Variants in AS3MT observed in about 807,000 individuals in gnomAD.
AS3MT encodes S-adenosyl-L-methionine:arsenic(III) methyltransferase.
Under a neutral mutation model 45.3 loss-of-function variants are expected in AS3MT, and 47 were observed. The ratio of observed to expected loss-of-function variants is 1.04; its 90% confidence interval spans 0.82 to 1.32. The LOEUF is 1.32. AS3MT is among the 40% of genes most tolerant of loss of function. The pLI, the probability that AS3MT is intolerant of heterozygous loss-of-function variation, is 0.00. For synonymous variants in AS3MT, 141 were observed against 152.8 expected (o/e 0.92, Z 0.57); for missense variants, 396 against 451.1 (o/e 0.88, Z 1.11).
chr10:102,871,265 G>A (rs935142817), intron 3 of AS3MT, among the ~76,000 whole-genome samples: 1 of 150,402 alleles, frequency 6.6e-6, no homozygotes, highest in Non-Finnish European at 1.5e-5. Flanking sequence ...ACAAAAAAAA[G>A]GCCGGGGGTG....
chr10:102,897,903 TAA>T (rs2134134933), intron 10 of AS3MT, among the ~76,000 whole-genome samples: 2 of 152,360 alleles, frequency 1.3e-5, no homozygotes, highest in Admixed American at 6.5e-5. Context: ...ACCTTAGATA[TAA>T]ATTGTAAAAT....
At chr10:102,895,129 T>C (rs1845141855) in intron 10 of AS3MT, among the ~76,000 whole-genome samples, 1 of 152,186 alleles carries the variant, frequency 6.6e-6, no homozygotes, top group Non-Finnish European at 1.5e-5. Flanking sequence ...AATTTGAATT[T>C]ATACAGCTTA....
intron 10 of AS3MT, among the ~76,000 whole-genome samples, chr10:102,894,165 C>T (rs570909713): frequency 2.6e-5 from 4 of 152,170 alleles, no homozygotes; most frequent in Non-Finnish European, 4.4e-5. Flanking sequence ...GTGGCTCACA[C>T]CTGTAATCCC....
intron 10 of AS3MT, among the ~76,000 whole-genome samples, chr10:102,894,110 A>T (rs1289110439): frequency 6.6e-6 from 1 of 152,148 alleles, no homozygotes; most frequent in African/African-American, 2.4e-5. Context: ...TCTAGGCCAG[A>T]ATGCGGAGAA....
intron 3 of AS3MT, among the ~76,000 whole-genome samples, chr10:102,870,867 A>G (rs1344240002): frequency 1.3e-5 from 2 of 152,132 alleles, no homozygotes; most frequent in African/African-American, 2.4e-5. Flanking sequence ...CTCTTCCCCA[A>G]ACTGCCACAG....
intron 6 of AS3MT, 29 bp downstream of exon 6, chr10:102,874,690 T>C (rs765141642): frequency 9.6e-5 from 145 of 1,518,164 alleles, no homozygotes; most frequent in Non-Finnish European, 1.3e-4. Context: ...TAAATTATCT[T>C]TGAACATCAG....
chr10:102,874,580 G>T lies in AS3MT; in HGVS notation c.459-12G>T, dbSNP rs1485021816. ...TGAAGATTTGCTCGACATTTCATCT[G>T]TTCTCTTTTAGATCAAACTGTGTTA... is the stretch of plus-strand genomic sequence containing the variant. On this transcript the variant is annotated splice_polypyrimidine_tract_variant and intron_variant, in intron 5 of 10. Coordinates refer to ENST00000369880, the MANE Select transcript of AS3MT (RefSeq NM_020682.4). 1 of 1,581,698 alleles carries T rather than the reference G, an allele frequency of 6.3e-7. No homozygotes were observed. Among genetic ancestry groups the T allele is most frequent in the Non-Finnish European group, 8.6e-7 (1 of 1,157,466 alleles).
chr10:102,886,287 T>C (rs950267967), intron 9 of AS3MT, among the ~76,000 whole-genome samples: 7 of 149,056 alleles, frequency 4.7e-5, no homozygotes, highest in African/African-American at 1.7e-4. Flanking sequence ...ATTCCTTCCT[T>C]CCTCCCTCCC....
At chr10:102,869,742 C>T (rs1590216585) in intron 1 of AS3MT, 63 bp from the exon 2 acceptor site, 2 of 1,612,720 alleles carry the variant, frequency 1.2e-6, no homozygotes, top group East Asian at 4.5e-5. Context: ...CTTTACTGGC[C>T]CCCTCCCTCA....
rs565052776 is a variant in AS3MT, at chr10:102,883,813, A to T, written c.885+4822A>T. Reference sequence around the variant, plus strand: ...TGGGCAAATTTTAAAAATTGTATATATATTTATGGTGTACAATGGGATGTT... The same window carrying T: ...TGGGCAAATTTTAAAAATTGTATATTTATTTATGGTGTACAATGGGATGTT... On this transcript the variant is annotated intron_variant, in intron 9 of 10. Coordinates refer to ENST00000369880, the MANE Select transcript of AS3MT (RefSeq NM_020682.4). Among the ~76,000 whole-genome samples the T allele has an allele frequency of 2.4e-3, 370 of 152,126 alleles. 2 individuals are homozygous for T. The highest frequency in any genetic ancestry group is 8.3e-3 in the African/African-American group (344 of 41,528).
intron 9 of AS3MT, among the ~76,000 whole-genome samples, chr10:102,884,692 G>A (rs1415761617): frequency 2.6e-5 from 4 of 151,662 alleles, no homozygotes; most frequent in East Asian, 1.9e-4. Context: ...GATTACAGGC[G>A]CCTGCCACCG....
intron 10 of AS3MT, among the ~76,000 whole-genome samples, chr10:102,897,432 G>T (rs1243499261): frequency 6.6e-6 from 1 of 150,922 alleles, no homozygotes; most frequent in East Asian, 2.0e-4. Context: ...AAGTAAAGAG[G>T]GTCTTTCCTC....
chr10:102,896,383 A>G (rs929959893), intron 10 of AS3MT, among the ~76,000 whole-genome samples: 3 of 151,890 alleles, frequency 2.0e-5, no homozygotes, highest in Non-Finnish European at 4.4e-5. Flanking sequence ...ACTTTCAAAA[A>G]TGGTACATTT....
At position 102,869,792 on chromosome 10, in the gene AS3MT, C is replaced by G. The variant is rs756324575; in HGVS notation, c.2-13C>G. On this transcript the variant is annotated splice_polypyrimidine_tract_variant and intron_variant, in intron 1 of 10. Coordinates refer to ENST00000369880, the MANE Select transcript of AS3MT (RefSeq NM_020682.4). ...CACCCTCTCCTTTCAACTAACTTTCCCGCTCCCGACAGTGGCTGCACTTCG... is the reference window on the plus strand; with the variant it reads ...CACCCTCTCCTTTCAACTAACTTTCGCGCTCCCGACAGTGGCTGCACTTCG... 6.2e-7 allele frequency: 1 copy of G among 1,614,192 alleles called. No homozygotes were observed. The highest frequency in any genetic ancestry group is 1.3e-5 in the African/African-American group (1 of 75,080).
In AS3MT at chr10:102,894,431, AAAAAAAAT is replaced by A. The variant is rs755533157; in HGVS notation, c.1020+3774_1020+3781del. The stretch of plus-strand genomic sequence containing the variant: ...GAGCGAGACTCCATCTCAAAAAATA[AAAAAAAAT>A]AAAAAAATAAAAAAATAAAATAAAA... On this transcript the variant is annotated intron_variant, in intron 10 of 10. Coordinates refer to ENST00000369880, the MANE Select transcript of AS3MT (RefSeq NM_020682.4). Among the ~76,000 whole-genome samples, 693 of 134,792 alleles carry A rather than the reference AAAAAAAAT, an allele frequency of 5.1e-3. 9 individuals carry two copies. Among genetic ancestry groups the A allele is most frequent in the Admixed American group, 0.031 (417 of 13,552 alleles). 88.4% of individuals were successfully genotyped at this position (134,792 alleles called of 152,430 possible).
At chr10:102,879,118 T>C in intron 9 of AS3MT, 127 bp downstream of exon 9, 1 of 1,033,248 alleles carries the variant, frequency 9.7e-7, no homozygotes, top group Non-Finnish European at 1.4e-6. Flanking sequence ...TGTGTTTAAA[T>C]GTATGTGTGT....
intron 9 of AS3MT, among the ~76,000 whole-genome samples, chr10:102,885,765 G>A (rs1844942435): frequency 2.0e-5 from 2 of 102,154 alleles, no homozygotes; most frequent in South Asian, 3.5e-4. Flanking sequence ...TCCTGACCTC[G>A]TGATCCGCCC....
rs1844862771 is a variant in AS3MT at position 102,881,162 on chromosome 10, T to C, written c.885+2171T>C. On this transcript the variant is annotated intron_variant, in intron 9 of 10. Transcript: ENST00000369880. This position sits in a 1 kb window ranked among gnomAD's most constrained non-coding sequence, Gnocchi z 4.2. ...ATGAATGCCATGGTGAGGGAAACAGTGTAGTTAGAGGAACAGATGAAGTCA... is the reference window on the plus strand; with the variant it reads ...ATGAATGCCATGGTGAGGGAAACAGCGTAGTTAGAGGAACAGATGAAGTCA... Among the ~76,000 whole-genome samples, 1 of 152,194 alleles carries C rather than the reference T, an allele frequency of 6.6e-6. No homozygotes were observed. Among genetic ancestry groups the C allele is most frequent in the South Asian group, 2.1e-4 (1 of 4,830 alleles).
intron 10 of AS3MT, among the ~76,000 whole-genome samples, chr10:102,895,198 CTT>C (rs112372288): frequency 3.5e-5 from 5 of 143,844 alleles, no homozygotes; most frequent in Non-Finnish European, 3.1e-5. Flanking sequence ...TATTTTAGTT[CTT>C]TTTTTTTTTT....
Sources: gnomAD v4.1 joint callset for allele counts (sites outside exome capture counted in the v4.1 genomes callset) on GRCh38, gnomAD v4.1.1 for gene constraint, Gnocchi (gnomAD v3.1) non-coding constraint, MANE v1.5 for transcripts, NCBI Gene and HGNC (gene_info 2026-07-23, HGNC 2026-07-21) for gene names.